The following PPP2R1A variants were observed in gnomAD, a reference collection of about 807,000 sequenced individuals.
PPP2R1A encodes protein phosphatase 2 scaffold subunit Aalpha.
Under a neutral mutation model 67.1 loss-of-function variants are expected in PPP2R1A, and 15 were observed. That is an observed-to-expected ratio of 0.22 (90% CI 0.15 to 0.34). The LOEUF (loss-of-function observed/expected upper bound fraction) is 0.34. Ranked by LOEUF, PPP2R1A falls within the 10% of genes least tolerant of loss-of-function variation. PPP2R1A has a pLI of 1.00. For synonymous variants in PPP2R1A, 337 were observed against 325.0 expected, an observed-to-expected ratio of 1.04 and a Z score of -0.40; for missense variants, 369 against 775.0, an observed-to-expected ratio of 0.48 and a Z score of 6.22.
Position 52,226,426 on chromosome 19 carries a change from C to G in PPP2R1A, c.*445C>G, listed in dbSNP as rs1979268338. ...AATAAAGGTCTAGAAGTAGTTGGTC[C>G]TCTGGCCTTAGTCATCAGCTTGGAG... On this transcript the variant is annotated 3_prime_UTR_variant, in exon 15 of 15. Transcript: ENST00000322088. 3.8e-6 allele frequency: 1 copy of G among 265,678 alleles called. No individual in the cohort carries two copies. Among genetic ancestry groups the G allele is most frequent in the African/African-American group, 2.2e-5 (1 of 46,164 alleles). The allele number at this position is 265,678 out of a possible 1,614,324, so 16.5% of individuals were successfully genotyped here.
At chr19:52,222,911 A>T (rs984447500) in intron 13 of PPP2R1A, among the ~76,000 whole-genome samples, 2 of 152,160 alleles carry the variant, frequency 1.3e-5, no homozygotes, top group African/African-American at 2.4e-5. Flanking sequence ...ATATTCACGG[A>T]TGGGACAGTT....
chr19:52,216,608 A>G lies in PPP2R1A; in HGVS notation c.1073A>G (p.Lys358Arg). Residue 358 changes from lysine to arginine, a missense_variant, in exon 9 of 15, where the codon AAA becomes AGA. Around this residue, in one of 2 missense-constraint regions of PPP2R1A, gnomAD observed 276 missense variants for 508.4 expected, o/e 0.54. Coordinates refer to ENST00000322088, the MANE Select transcript of PPP2R1A (RefSeq NM_014225.6). This position sits in a 1 kb window ranked among gnomAD's most constrained non-coding sequence, Gnocchi z 4.3. ...ATGGGTCTCTCTCCCATCTTGGGCA[A>G]AGACAACACCATCGAGCACCTCTTG... ...VIMGLSPILG[K>R]DNTIEHLLPL... 6.2e-7 allele frequency: 1 copy of G among 1,614,116 alleles called. No individual in the cohort carries two copies. The highest frequency in any genetic ancestry group is 8.5e-7 in the Non-Finnish European group (1 of 1,180,030).
In PPP2R1A at chr19:52,215,244, G is replaced by T. The variant is rs986511757; in HGVS notation, c.808-535G>T. On this transcript the variant is annotated intron_variant, in intron 6 of 14. Transcript: ENST00000322088. ...CTAATTGTTTTGTTTTTTTTGTAGAGTCAGGGTTTCACTGTGTTGCCCGGG... is the reference window on the plus strand; with the variant it reads ...CTAATTGTTTTGTTTTTTTTGTAGATTCAGGGTTTCACTGTGTTGCCCGGG... Among the ~76,000 whole-genome samples the T allele has an allele frequency of 3.3e-5, 5 of 152,058 alleles. No homozygotes were observed. In the East Asian group the frequency reaches 7.8e-4, roughly 24 times the overall value.
At chr19:52,217,654 T>A (rs1978659833) in intron 9 of PPP2R1A, among the ~76,000 whole-genome samples, 1 of 152,164 alleles carries the variant, frequency 6.6e-6, no homozygotes, top group Non-Finnish European at 1.5e-5. Flanking sequence ...GACCCCAGAA[T>A]ACATTCTGGC....
At chr19:52,224,426 C>T (rs548000960) in intron 13 of PPP2R1A, among the ~76,000 whole-genome samples, 8 of 152,378 alleles carry the variant, frequency 5.3e-5, no homozygotes, top group East Asian at 1.9e-4. Flanking sequence ...TCCCCTCTTA[C>T]GTACCAGTTT....
intron 1 of PPP2R1A, among the ~76,000 whole-genome samples, chr19:52,194,289 G>C: frequency 6.6e-6 from 1 of 152,008 alleles, no homozygotes; most frequent in East Asian, 1.9e-4. Flanking sequence ...GGCCAGGAGT[G>C]GGAGGATGCT....
At position 52,226,225 on chromosome 19, in the gene PPP2R1A, C is replaced by A; in HGVS notation, c.*244C>A. 1 of 587,920 alleles carries A rather than the reference C, an allele frequency of 1.7e-6. No homozygotes were observed. The highest frequency in any genetic ancestry group is 3.0e-6 in the Non-Finnish European group (1 of 335,144). The allele number at this position is 587,920 out of a possible 1,614,324, so 36.4% of individuals were successfully genotyped here. A position where few individuals can be genotyped will look rare whatever the true frequency, so the allele number is the denominator to read the frequency against. ...GTGACCTTGGGAGGAAGGGGCTACT[C>A]CGCCCACGTCAGGGAGAGATGTGAG... On this transcript the variant is annotated 3_prime_UTR_variant, in exon 15 of 15. Transcript: ENST00000322088.
intron 13 of PPP2R1A, 47 bp downstream of exon 13, chr19:52,222,288 G>T: frequency 6.3e-7 from 1 of 1,588,836 alleles, no homozygotes; most frequent in Non-Finnish European, 8.6e-7. Context: ...CTTCTTGTGG[G>T]CACCTTAATC....
At chr19:52,214,668 C>G (rs948965926) in intron 6 of PPP2R1A, among the ~76,000 whole-genome samples, 2 of 152,032 alleles carry the variant, frequency 1.3e-5, no homozygotes, top group African/African-American at 2.4e-5. Context: ...AGCTTTGCAG[C>G]AGGAGCCGTG....
intron 1 of PPP2R1A, among the ~76,000 whole-genome samples, chr19:52,195,094 T>C (rs1222899691): frequency 6.6e-6 from 1 of 152,152 alleles, no homozygotes; most frequent in African/African-American, 2.4e-5. Flanking sequence ...ACATACTACA[T>C]GTGGGATTAT....
rs1168247861 is a variant in PPP2R1A, at chr19:52,227,209, A to G, written c.*1228A>G. 2 of 152,188 alleles carry G rather than the reference A, an allele frequency of 1.3e-5. No homozygotes were observed. Among genetic ancestry groups the G allele is most frequent in the Non-Finnish European group, 1.5e-5 (1 of 68,034 alleles). 9.4% of individuals were successfully genotyped at this position (152,188 alleles called of 1,614,324 possible). On this transcript the variant is annotated 3_prime_UTR_variant, in exon 15 of 15. Coordinates refer to ENST00000322088, the MANE Select transcript of PPP2R1A (RefSeq NM_014225.6). ...AACAGAAGTGGTATATGCAGCTTCT[A>G]GGAAGTGTTCTTAAGGGGGAAGGCG...
At chr19:52,194,079 C>A (rs1485244316) in intron 1 of PPP2R1A, among the ~76,000 whole-genome samples, 9 of 126,452 alleles carry the variant, frequency 7.1e-5, no homozygotes, top group Non-Finnish European at 1.4e-4. Flanking sequence ...GACAGCAAGA[C>A]CCTGTCTCCA....
At position 52,216,988 on chromosome 19, in the gene PPP2R1A, G is replaced by A. The variant is rs1430680082; in HGVS notation, c.1128+325G>A. Among the ~76,000 whole-genome samples the A allele has an allele frequency of 1.3e-5, 2 of 152,098 alleles. No individual in the cohort carries two copies. Among genetic ancestry groups the A allele is most frequent in the Admixed American group, 6.5e-5 (1 of 15,276 alleles). ...GTGGATCACCTGAGGTCAGGAGTTC[G>A]AGACCAGCCTGGCCAACATGATGAA... On this transcript the variant is annotated intron_variant, in intron 9 of 14. Transcript: ENST00000322088. The surrounding 1 kb of genome is among the most constrained non-coding windows in gnomAD (Gnocchi z 4.3).
In PPP2R1A at chr19:52,226,314, C is replaced by T; in HGVS notation, c.*333C>T. 2.4e-6 allele frequency: 1 copy of T among 418,016 alleles called. No homozygotes were observed. The highest frequency in any genetic ancestry group is 4.3e-6 in the Non-Finnish European group (1 of 234,402). 25.9% of individuals were successfully genotyped at this position (418,016 alleles called of 1,614,324 possible). ...CCCTCCCCCATTTACTTCTCCACCT[C>T]CCGTCCTCCCCATCATTGGTTTTTT... On this transcript the variant is annotated 3_prime_UTR_variant, in exon 15 of 15. Coordinates refer to ENST00000322088, the MANE Select transcript of PPP2R1A (RefSeq NM_014225.6).
chr19:52,204,422 G>A (rs540071690), intron 2 of PPP2R1A, among the ~76,000 whole-genome samples: 12 of 152,302 alleles, frequency 7.9e-5, no homozygotes, highest in Admixed American at 2.6e-4. Flanking sequence ...TCTCCCAGGC[G>A]ACAGCTAGTG....
In PPP2R1A at chr19:52,229,171, A is replaced by T. The variant is rs1024915510; in HGVS notation, c.*3190A>T. 3.3e-5 allele frequency: 5 copies of T among 152,394 alleles called. No homozygotes were observed. The highest frequency in any genetic ancestry group is 9.7e-5 in the African/African-American group (4 of 41,426). The allele number at this position is 152,394 out of a possible 1,614,324, so 9.4% of individuals were successfully genotyped here. A position where few individuals can be genotyped will look rare whatever the true frequency, so the allele number is the denominator to read the frequency against. On this transcript the variant is annotated 3_prime_UTR_variant, in exon 15 of 15. Transcript: ENST00000322088. ...AATTTAAAAAAATTGGTGTGGGCAC[A>T]GTGGCTCGCACCTGTAATCCCAGCG... is the stretch of plus-strand genomic sequence containing the variant.
At chr19:52,220,039 A>G in intron 10 of PPP2R1A, 150 bp from the exon 11 acceptor site, 1 of 1,188,968 alleles carries the variant, frequency 8.4e-7, no homozygotes, top group Non-Finnish European at 1.2e-6. Context: ...TGGATTCAAT[A>G]AGAGAGAGGA....
intron 2 of PPP2R1A, among the ~76,000 whole-genome samples, chr19:52,203,240 G>A (rs1352267444): frequency 6.6e-6 from 1 of 152,134 alleles, no homozygotes; most frequent in Non-Finnish European, 1.5e-5. Flanking sequence ...GTGACTGAGG[G>A]GTGCAGGTGT....
chr19:52,193,655 C>T (rs879309053), intron 1 of PPP2R1A, among the ~76,000 whole-genome samples: 6 of 152,068 alleles, frequency 3.9e-5, no homozygotes, highest in East Asian at 1.9e-4. Context: ...TTGCAACCTC[C>T]GCCTCCCGGG....
Sources: allele counts gnomAD v4.1 joint callset (sites outside exome capture counted in the v4.1 genomes callset), GRCh38; gene constraint gnomAD v4.1.1; regional missense constraint gnomAD v4.1.1; non-coding constraint Gnocchi (gnomAD v3.1); transcripts MANE v1.5; gene names NCBI Gene and HGNC (gene_info 2026-07-23, HGNC 2026-07-21).